Variants in LDAF1 observed in about 807,000 individuals in gnomAD.
LDAF1 encodes the protein PROMETHIN.
Under a neutral mutation model 13.5 loss-of-function variants are expected in LDAF1, and 7 were observed. That is an observed-to-expected ratio of 0.52 (90% confidence interval 0.29 to 0.97). The LOEUF is 0.97. LDAF1 is among the 50% of genes least tolerant of loss of function. The probability of loss-of-function intolerance (pLI) is 0.07; values close to 1 mark genes in which losing one functional copy is unlikely to be tolerated. For missense variants in LDAF1, 148 were observed against 193.2 expected, an observed-to-expected ratio of 0.77 and a Z score of 1.39; for synonymous variants, 69 against 77.1, an observed-to-expected ratio of 0.89 and a Z score of 0.55.
chr16:21,170,185 A>G (rs149592954), intron 2 of LDAF1: 2 of 358,240 alleles, frequency 5.6e-6, no homozygotes, highest in East Asian at 3.3e-4. Flanking sequence ...TATTTTTAGT[A>G]GAGACGGGGG....
At chr16:21,167,027 C>T in intron 2 of LDAF1, 1 of 944,668 alleles carries the variant, frequency 1.1e-6, no homozygotes, top group Non-Finnish European at 1.6e-6. Flanking sequence ...ATTATGCCGT[C>T]CTGTGGCCTG....
intron 2 of LDAF1, among the ~76,000 whole-genome samples, chr16:21,164,013 T>A (rs1323671530): frequency 4.6e-5 from 7 of 152,176 alleles, no homozygotes; most frequent in African/African-American, 1.7e-4. Context: ...CCAGTGGTTG[T>A]AAATGGTCCT....
At chr16:21,165,603 CAG>C (rs2093016625) in intron 2 of LDAF1, 1 of 983,868 alleles carries the variant, frequency 1.0e-6, no homozygotes, top group Non-Finnish European at 1.2e-6. Flanking sequence ...GACTTGACCA[CAG>C]TATATCTTGC....
chr16:21,160,383 T>A (rs1459867836), intron 1 of LDAF1, among the ~76,000 whole-genome samples: 1 of 151,992 alleles, frequency 6.6e-6, no homozygotes, highest in African/African-American at 2.4e-5. Flanking sequence ...TTCCAGGCAG[T>A]TTAGTTAGAG....
At chr16:21,161,360 A>G in intron 2 of LDAF1, 82 bp downstream of exon 2, 5 of 1,489,360 alleles carry the variant, frequency 3.4e-6, no homozygotes, top group South Asian at 1.3e-5. Flanking sequence ...TTCTTTCTCC[A>G]GTAGAAGGAA....
intron 3 of LDAF1, 144 bp downstream of exon 3, chr16:21,170,749 TC>T: frequency 1.0e-6 from 1 of 974,900 alleles, no homozygotes; most frequent in Non-Finnish European, 1.5e-6. Flanking sequence ...CAAGTGATCC[TC>T]CCACGTCGGC....
rs893858121 is a variant in LDAF1, at chr16:21,179,687, C to T, written c.*131C>T. On this transcript the variant is annotated 3_prime_UTR_variant, in exon 5 of 5. Coordinates refer to ENST00000233047, the MANE Select transcript of LDAF1 (RefSeq NM_001301771.2). Reference sequence around the variant, plus strand: ...CTGTGTCCTCTCGCTTTTTCACTTACTTGTAGGATCCCGCAGCAGCCAATT... The same window carrying T: ...CTGTGTCCTCTCGCTTTTTCACTTATTTGTAGGATCCCGCAGCAGCCAATT... 50 of 727,348 alleles carry T rather than the reference C, an allele frequency of 6.9e-5. No homozygotes were observed. Among genetic ancestry groups the T allele is most frequent in the African/African-American group, 6.1e-4 (34 of 55,678 alleles). The allele number at this position is 727,348 out of a possible 1,614,324, so 45.1% of individuals were successfully genotyped here. A position where few individuals can be genotyped will look rare whatever the true frequency, so the allele number is the denominator to read the frequency against.
At position 21,179,595 on chromosome 16, in the gene LDAF1, T is replaced by C; in HGVS notation, c.*39T>C. On this transcript the variant is annotated 3_prime_UTR_variant, in exon 5 of 5. Transcript: ENST00000233047. ...GGCCGGGCTTCTTTTCAAGTACTGC[T>C]GGATCATACTCACCCCTTGGGATTA... The C allele has an allele frequency of 6.4e-7, 1 of 1,564,810 alleles. No homozygotes were observed.
chr16:21,167,012 C>T (rs1330095999), intron 2 of LDAF1: 18 of 1,124,030 alleles, frequency 1.6e-5, no homozygotes, highest in South Asian at 7.0e-5. Context: ...GTGAGGTCAG[C>T]GGGCATTATG....
chr16:21,166,379 C>T (rs987642326), intron 2 of LDAF1, among the ~76,000 whole-genome samples: 5 of 152,108 alleles, frequency 3.3e-5, no homozygotes, highest in Admixed American at 1.3e-4. Context: ...GATTCACATA[C>T]CCAACCTATT....
intron 4 of LDAF1, chr16:21,178,482 A>C: frequency 5.2e-6 from 4 of 763,254 alleles, no homozygotes; most frequent in Non-Finnish European, 6.4e-6. Context: ...ACTTTTTTTT[A>C]TTGCTTAATG....
At chr16:21,160,519 A>C (rs2092959412) in intron 1 of LDAF1, among the ~76,000 whole-genome samples, 1 of 152,166 alleles carries the variant, frequency 6.6e-6, no homozygotes, top group South Asian at 2.1e-4. Flanking sequence ...TACAGTAATA[A>C]AGAAGAGAAA....
At chr16:21,172,881 C>A in intron 3 of LDAF1, 1 of 980,682 alleles carries the variant, frequency 1.0e-6, no homozygotes, top group Non-Finnish European at 1.2e-6. Flanking sequence ...TCCCTGAAAC[C>A]ATCACTGTGG....
intron 1 of LDAF1, 93 bp from the exon 2 acceptor site, chr16:21,160,992 G>C: frequency 7.4e-7 from 1 of 1,350,952 alleles, no homozygotes; most frequent in Non-Finnish European, 9.5e-7. Context: ...CCCTCCGTCT[G>C]CATGCCCACC....
At chr16:21,170,365 G>A (rs1026171449) in intron 2 of LDAF1, 72 bp from the exon 3 acceptor site, 2 of 1,595,642 alleles carry the variant, frequency 1.3e-6, no homozygotes, top group African/African-American at 2.7e-5. Context: ...AATTCCCACA[G>A]CTTGGGCAGA....
intron 2 of LDAF1, among the ~76,000 whole-genome samples, chr16:21,168,912 TTATTTATATTTATATATTTAAA>T (rs2093057027): frequency 7.3e-6 from 1 of 136,530 alleles, no homozygotes; most frequent in Non-Finnish European, 1.5e-5. Flanking sequence ...ATATTTATAT[TTATTTATATTTATATATTTAAA>T]TATTTATATT....
chr16:21,169,440 C>G (rs2093064535), intron 2 of LDAF1, among the ~76,000 whole-genome samples: 1 of 152,094 alleles, frequency 6.6e-6, no homozygotes, highest in Non-Finnish European at 1.5e-5. Flanking sequence ...TCCCAAGTAG[C>G]TAGGACTGTG....
At chr16:21,160,634 C>A (rs1164179777) in intron 1 of LDAF1, among the ~76,000 whole-genome samples, 1 of 152,172 alleles carries the variant, frequency 6.6e-6, no homozygotes, top group Non-Finnish European at 1.5e-5. Context: ...ATATTTTCAG[C>A]ATTTTGTCAA....
Position 21,161,253 on chromosome 16 carries a change from T to C in LDAF1, c.71T>C (p.Ile24Thr), listed in dbSNP as rs374534656. The C allele has an allele frequency of 7.4e-6, 12 of 1,614,242 alleles. No homozygotes were observed. The highest frequency in any genetic ancestry group is 1.0e-5 in the Non-Finnish European group (12 of 1,180,056). Residue 24 changes from isoleucine to threonine, a missense_variant, in exon 2 of 5, where the codon ATA becomes ACA. Transcript: ENST00000233047. ...CTGCAGAAGAAGCTGTCTCTGCTGA[T>C]AGACTCCTTCCAGAATAACTCAAAG... ...QELQKKLSLL[I>T]DSFQNNSKVV...
Sources: allele counts gnomAD v4.1 joint callset (sites outside exome capture counted in the v4.1 genomes callset), GRCh38; gene constraint gnomAD v4.1.1; transcripts MANE v1.5; gene names NCBI Gene and HGNC (gene_info 2026-07-23, HGNC 2026-07-21).